VIT: variants seen among roughly 807,000 people sequenced by gnomAD.
VIT encodes the protein vitrin.
VIT carries 99 observed loss-of-function variants against 78.0 expected under a neutral mutation model. The observed-to-expected ratio is 1.27, with a 90% confidence interval of 1.08 to 1.50. The LOEUF (loss-of-function observed/expected upper bound fraction) is 1.50. VIT is among the 40% of genes most tolerant of loss of function. The pLI is 0.00. For synonymous variants in VIT, 374 were observed against 334.3 expected (o/e 1.12, Z -1.29); for missense variants, 1,126 against 875.3 (o/e 1.29, Z -3.61).
At chr2:36,710,341 T>C (rs1284795574) in intron 1 of VIT, among the ~76,000 whole-genome samples, 1 of 152,214 alleles carries the variant, frequency 6.6e-6, no homozygotes, top group African/African-American at 2.4e-5. Context: ...TCTCTTTCCC[T>C]GATACAACCA....
chr2:36,729,374 G>A (rs1007466095), intron 2 of VIT, 52 bp from the exon 3 acceptor site: 16 of 1,483,536 alleles, frequency 1.1e-5, no homozygotes, highest in Non-Finnish European at 1.5e-5. Context: ...AAAAGAGAAA[G>A]AATTTAAGTA....
intron 11 of VIT, among the ~76,000 whole-genome samples, chr2:36,785,678 A>G (rs73927029): frequency 0.014 from 2,084 of 152,216 alleles, 45 homozygotes; most frequent in African/African-American, 0.048. Flanking sequence ...TTTTCTTTTG[A>G]GATTTGCTAC....
chr2:36,774,271 T>A (rs915165983), intron 8 of VIT, among the ~76,000 whole-genome samples: 6 of 150,736 alleles, frequency 4.0e-5, no homozygotes, highest in Admixed American at 1.3e-4. Flanking sequence ...AAACACATTC[T>A]CTCTCCCCGG....
At chr2:36,714,996 T>C (rs1406833611) in intron 1 of VIT, among the ~76,000 whole-genome samples, 1 of 152,180 alleles carries the variant, frequency 6.6e-6, no homozygotes. Flanking sequence ...AACATCTGGG[T>C]CTCTGTTGGC....
chr2:36,779,540 G>A (rs149148625), intron 9 of VIT, among the ~76,000 whole-genome samples: 1 of 152,244 alleles, frequency 6.6e-6, no homozygotes, highest in East Asian at 1.9e-4. Flanking sequence ...GGGTGCCATG[G>A]TGGTTTTCTA....
intron 4 of VIT, among the ~76,000 whole-genome samples, chr2:36,750,879 T>A (rs1668419248): frequency 6.6e-6 from 1 of 152,174 alleles, no homozygotes; most frequent in South Asian, 2.1e-4. Flanking sequence ...ATTCTCTCCT[T>A]CTAGCAGCAT....
At chr2:36,774,256 G>A (rs565581747) in intron 8 of VIT, among the ~76,000 whole-genome samples, 2 of 152,220 alleles carry the variant, frequency 1.3e-5, no homozygotes, top group African/African-American at 4.8e-5. Context: ...TGCCACGGGG[G>A]ACAGAAACAC....
At chr2:36,737,302 A>T (rs1229456558) in intron 3 of VIT, among the ~76,000 whole-genome samples, 1 of 152,174 alleles carries the variant, frequency 6.6e-6, no homozygotes, top group African/African-American at 2.4e-5. Flanking sequence ...GAGTCACGGA[A>T]ATGCAGCTGG....
chr2:36,697,436 G>T (rs971330064), intron 1 of VIT, among the ~76,000 whole-genome samples: 1 of 152,194 alleles, frequency 6.6e-6, no homozygotes, highest in African/African-American at 2.4e-5. Context: ...AAACTATTTC[G>T]TGTGGATCTC....
intron 6 of VIT, 84 bp downstream of exon 6, chr2:36,759,130 A>C (rs772209240): frequency 6.2e-7 from 1 of 1,613,438 alleles, no homozygotes. Flanking sequence ...AGAAATTAAC[A>C]TCTTAACCGG....
intron 3 of VIT, among the ~76,000 whole-genome samples, chr2:36,734,943 C>G (rs566889932): frequency 6.6e-6 from 1 of 152,062 alleles, no homozygotes; most frequent in Admixed American, 6.5e-5. Context: ...GCAGGTGGAT[C>G]GCCTGAGGTC....
intron 15 of VIT, among the ~76,000 whole-genome samples, chr2:36,813,762 C>T (rs980182603): frequency 2.0e-5 from 3 of 152,176 alleles, no homozygotes; most frequent in African/African-American, 7.2e-5. Flanking sequence ...CTTGGCTCTT[C>T]CCACTGGTAG....
chr2:36,740,381 A>G (rs2148510749), intron 3 of VIT, among the ~76,000 whole-genome samples: 1 of 152,372 alleles, frequency 6.6e-6, no homozygotes, highest in African/African-American at 2.4e-5. Flanking sequence ...CCATATACTT[A>G]AAGAAGAGCT....
chr2:36,764,246 T>G (rs963121897), intron 6 of VIT, among the ~76,000 whole-genome samples: 10 of 152,246 alleles, frequency 6.6e-5, no homozygotes, highest in Non-Finnish European at 1.2e-4. Flanking sequence ...ATTGTCAGTT[T>G]ATGTATGTTT....
At chr2:36,730,494 T>A (rs964113755) in intron 3 of VIT, among the ~76,000 whole-genome samples, 2 of 152,080 alleles carry the variant, frequency 1.3e-5, no homozygotes, top group African/African-American at 4.8e-5. Flanking sequence ...ATCCATCATG[T>A]CCACATTCCA....
At chr2:36,804,956 G>A (rs1359927321) in intron 13 of VIT, among the ~76,000 whole-genome samples, 1 of 152,154 alleles carries the variant, frequency 6.6e-6, no homozygotes, top group Admixed American at 6.5e-5. Flanking sequence ...TGCACATTGT[G>A]AACGTACTTA....
chr2:36,753,791 G>C (rs905803094), intron 4 of VIT, among the ~76,000 whole-genome samples: 2 of 152,224 alleles, frequency 1.3e-5, no homozygotes, highest in East Asian at 1.9e-4. Flanking sequence ...GGAGAGAAGA[G>C]AGCGAGTGAG....
intron 6 of VIT, among the ~76,000 whole-genome samples, chr2:36,766,075 T>G (rs1411147869): frequency 6.6e-6 from 1 of 152,242 alleles, no homozygotes; most frequent in East Asian, 1.9e-4. Context: ...CAAACCCCAA[T>G]GCCCAGTGGG....
chr2:36,720,718 A>G (rs1424746335), intron 2 of VIT, among the ~76,000 whole-genome samples: 2 of 152,236 alleles, frequency 1.3e-5, no homozygotes, highest in Non-Finnish European at 2.9e-5. Flanking sequence ...CAAAGAGTAC[A>G]GACTTTCAGG....
Sources: allele counts gnomAD v4.1 joint callset (sites outside exome capture counted in the v4.1 genomes callset), GRCh38; gene constraint gnomAD v4.1.1; transcripts MANE v1.5; gene names NCBI Gene and HGNC (gene_info 2026-07-23, HGNC 2026-07-21).